The following SPATA24 variants were observed in gnomAD, a reference collection of about 807,000 sequenced individuals.
The protein encoded by SPATA24 is spermatogenesis-associated protein 24.
A neutral mutation model predicts 28.9 loss-of-function variants in SPATA24; 21 were observed. The ratio of observed to expected loss-of-function variants is 0.73; its 90% CI spans 0.52 to 1.05. The LOEUF is 1.05. SPATA24 is among the 50% of genes least tolerant of loss of function. SPATA24 has a pLI of 0.00. For synonymous variants in SPATA24, 76 were observed against 89.9 expected (o/e 0.85, Z 0.88); for missense variants, 215 against 242.9 (o/e 0.88, Z 0.76).
At chr5:139,400,612 C>G (rs1758801504) in intron 4 of SPATA24, among the ~76,000 whole-genome samples, 1 of 151,940 alleles carries the variant, frequency 6.6e-6, no homozygotes, top group Non-Finnish European at 1.5e-5. Context: ...CCAGCCCATA[C>G]TTAAACTGGG....
At chr5:139,394,320 C>T (rs1001898730), downstream of SPATA24, 2 of 1,483,138 alleles carry the variant, frequency 1.3e-6, no homozygotes, top group Non-Finnish European at 1.8e-6. Context: ...TTCTGGCCAA[C>T]GCCGTCTGCA....
chr5:139,393,931 G>C (rs1758644349), downstream of SPATA24: 2 of 1,550,910 alleles, frequency 1.3e-6, no homozygotes, highest in Non-Finnish European at 1.7e-6. Flanking sequence ...AGCCCTACTC[G>C]GAACCTCCGA....
At chr5:139,393,738 GAC>G, downstream of SPATA24, 1 of 1,551,372 alleles carries the variant, frequency 6.4e-7, no homozygotes, top group South Asian at 1.2e-5. Context: ...TTCTCCTGCT[GAC>G]AGTTTCCTCG....
At chr5:139,397,639 C>T (rs764518613) in intron 4 of SPATA24, among the ~76,000 whole-genome samples, 3 of 151,974 alleles carry the variant, frequency 2.0e-5, no homozygotes, top group Non-Finnish European at 4.4e-5. Flanking sequence ...ACTGCAACCT[C>T]CACCTCCTGA....
At position 139,401,976 on chromosome 5, in the gene SPATA24, G is replaced by C; in HGVS notation, c.253C>G (p.Leu85Val). 6.4e-7 allele frequency: 1 copy of C among 1,551,740 alleles called. No homozygotes were observed. Among genetic ancestry groups the C allele is most frequent in the Non-Finnish European group, 8.7e-7 (1 of 1,147,002 alleles). Residue 85 changes from leucine (L) to valine (V), a missense_variant, in exon 3 of 6, where the codon CTC becomes GTC. Leu to Val is a conservative substitution (Grantham distance 32, BLOSUM62 1). Coordinates refer to ENST00000450845, the MANE Select transcript of SPATA24 (RefSeq NM_194296.2). ...TTGGATAGCACCTCTACCTCTCCGAGGGCAAACTGTAACTTCTCCTCTTCC... is the reference window on the plus strand; with the variant it reads ...TTGGATAGCACCTCTACCTCTCCGACGGCAAACTGTAACTTCTCCTCTTCC... ...AKEEEKLQFA[L>V]GEVEVLSKQL... is the part of the protein sequence containing the mutation.
intron 3 of SPATA24, 26 bp downstream of exon 3, chr5:139,401,889 C>T (rs757288901): frequency 4.7e-5 from 73 of 1,550,376 alleles, no homozygotes; most frequent in Non-Finnish European, 6.2e-5. Flanking sequence ...CCCCAAACCC[C>T]ACACCCCGTA....
chr5:139,402,141 G>A, intron 2 of SPATA24, 96 bp from the exon 3 acceptor site: 2 of 1,437,404 alleles, frequency 1.4e-6, no homozygotes, highest in Non-Finnish European at 1.8e-6. Context: ...ACACACAGAA[G>A]CCAGAGCACA....
intron 4 of SPATA24, among the ~76,000 whole-genome samples, chr5:139,399,172 C>A (rs1292501384): frequency 6.6e-6 from 1 of 151,962 alleles, no homozygotes; most frequent in Non-Finnish European, 1.5e-5. Flanking sequence ...AAAAAATTAG[C>A]CAGGTGTGGT....
intron 4 of SPATA24, 107 bp downstream of exon 4, chr5:139,401,648 C>A (rs777535154): frequency 7.9e-7 from 1 of 1,260,392 alleles, no homozygotes; most frequent in East Asian, 2.5e-5. Context: ...GTATCCTCAG[C>A]TGGGGACAGG....
At chr5:139,393,840 G>C (rs1387762747), downstream of SPATA24, 2 of 1,551,016 alleles carry the variant, frequency 1.3e-6, no homozygotes, top group East Asian at 4.9e-5. Flanking sequence ...ACGGGGACAG[G>C]TTCTGGGGCG....
intron 2 of SPATA24, 56 bp from the exon 3 acceptor site, chr5:139,402,101 CT>C: frequency 6.6e-7 from 1 of 1,516,482 alleles, no homozygotes; most frequent in Middle Eastern, 1.8e-4. Flanking sequence ...GTCTCCTAGA[CT>C]CCCTTAACCA....
downstream of SPATA24, chr5:139,392,568 C>T: frequency 7.4e-7 from 1 of 1,353,664 alleles, no homozygotes; most frequent in Non-Finnish European, 9.5e-7. The surrounding 1 kb of genome is among the most constrained non-coding windows in gnomAD (Gnocchi z 5.8). Context: ...ACGCCAGGGG[C>T]TCCCGCGGGA....
rs1758728611 is a variant in SPATA24, at chr5:139,397,147, T to G, written c.386-4A>C. 1 of 1,550,428 alleles carries G rather than the reference T, an allele frequency of 6.4e-7. No individual in the cohort carries two copies. The highest frequency in any genetic ancestry group is 8.7e-7 in the Non-Finnish European group (1 of 1,145,530). The stretch of plus-strand genomic sequence containing the variant: ...TTTATAATGTGAGACTCAATCTCTG[T>G]GGGGGAGAGAGGCAGGGAGGAGGGG... On this transcript the variant is annotated splice_region_variant and splice_polypyrimidine_tract_variant and intron_variant, in intron 4 of 5. Coordinates refer to ENST00000450845, the MANE Select transcript of SPATA24 (RefSeq NM_194296.2).
In SPATA24 at chr5:139,402,703, A is replaced by G. The variant is rs1188938178; in HGVS notation, c.118-10T>C. 1.9e-6 allele frequency: 3 copies of G among 1,551,640 alleles called. No individual in the cohort carries two copies. The South Asian group carries it at 3.6e-5, about 18-fold the overall frequency. On this transcript the variant is annotated splice_polypyrimidine_tract_variant and intron_variant, in intron 1 of 5. Transcript: ENST00000450845. ...CGTCCTGGAGAACCATCTGCAACAG[A>G]GCCTGGCTGAGGGAGGGCCTGGGGC... is the stretch of plus-strand genomic sequence containing the variant.
chr5:139,394,894 C>A, downstream of SPATA24: 3 of 1,510,372 alleles, frequency 2.0e-6, no homozygotes, highest in South Asian at 1.3e-5. Context: ...GCCCGCCCCC[C>A]GCCCAGGAGC....
At chr5:139,392,707 C>T (rs775255636), downstream of SPATA24, 1 of 1,406,950 alleles carries the variant, frequency 7.1e-7, no homozygotes. This position sits in a 1 kb window ranked among gnomAD's most constrained non-coding sequence, Gnocchi z 5.8. Flanking sequence ...CCCTGCTGGC[C>T]CTACGGGGGA....
At chr5:139,399,533 A>G (rs932561501) in intron 4 of SPATA24, among the ~76,000 whole-genome samples, 2 of 152,228 alleles carry the variant, frequency 1.3e-5, no homozygotes, top group African/African-American at 2.4e-5. Context: ...GCGTCCAGCT[A>G]AGTGGAATTA....
chr5:139,395,816 G>C (rs1758693638), downstream of SPATA24: 2 of 152,308 alleles, frequency 1.3e-5, no homozygotes, highest in African/African-American at 4.8e-5. Context: ...TCAGCACCTA[G>C]AACAGGCCCT....
downstream of SPATA24, chr5:139,394,579 G>T (rs1049021469): frequency 6.5e-7 from 1 of 1,527,782 alleles, no homozygotes; most frequent in African/African-American, 1.4e-5. Flanking sequence ...TAGGTAGGTG[G>T]CCCAGCGGGA....
Sources: gnomAD v4.1 joint callset for allele counts (sites outside exome capture counted in the v4.1 genomes callset) on GRCh38, gnomAD v4.1.1 for gene constraint, Gnocchi (gnomAD v3.1) non-coding constraint, MANE v1.5 for transcripts, NCBI Gene and HGNC (gene_info 2026-07-23, HGNC 2026-07-21) for gene names.